The following AOPEP variants were observed in gnomAD, a reference collection of about 807,000 sequenced individuals.
The protein encoded by AOPEP is aminopeptidase O.
A neutral mutation model predicts 98.1 loss-of-function variants in AOPEP; 77 were observed. The ratio of observed to expected loss-of-function variants is 0.78; its 90% CI spans 0.65 to 0.95. The LOEUF (loss-of-function observed/expected upper bound fraction) is 0.95. Ranked by LOEUF, AOPEP falls within the 40% of genes least tolerant of loss-of-function variation. The pLI is 0.00. For missense variants in AOPEP, 1,024 were observed against 1,024.7 expected (o/e 1.00, Z 0.01); for synonymous variants, 346 against 365.3 (o/e 0.95, Z 0.60).
intron 5 of AOPEP, among the ~76,000 whole-genome samples, chr9:94,910,949 G>T (rs911899483): frequency 5.9e-5 from 9 of 152,132 alleles, no homozygotes; most frequent in African/African-American, 1.9e-4. Flanking sequence ...AGCATCCTGG[G>T]GTTTTGCCTA....
At chr9:94,998,475 G>A (rs1472430243) in intron 11 of AOPEP, among the ~76,000 whole-genome samples, 1 of 152,036 alleles carries the variant, frequency 6.6e-6, no homozygotes, top group African/African-American at 2.4e-5. Flanking sequence ...TACTTTTTTT[G>A]TCTTAAAGTC....
intron 7 of AOPEP, chr9:94,928,765 C>G (rs569276103): frequency 2.2e-6 from 1 of 460,166 alleles, no homozygotes; most frequent in East Asian, 4.4e-5. Flanking sequence ...AGGCCATTTC[C>G]GGGGGTCAGA....
chr9:95,083,751 G>A (rs920974353), intron 16 of AOPEP, among the ~76,000 whole-genome samples: 8 of 152,172 alleles, frequency 5.3e-5, no homozygotes, highest in South Asian at 2.1e-4. Flanking sequence ...CAGCACCCGC[G>A]GCGCACACAG....
At chr9:95,149,989 T>A in the AOPEP span, 102 of 1,613,702 alleles carry the variant, frequency 6.3e-5, no homozygotes, top group Non-Finnish European at 8.1e-5. Flanking sequence ...TTCACGTCCA[T>A]GACAGATGAG....
intron 7 of AOPEP, among the ~76,000 whole-genome samples, chr9:94,940,687 TATC>T (rs1408013307): frequency 2.0e-5 from 3 of 152,350 alleles, no homozygotes; most frequent in Middle Eastern, 3.4e-3. Context: ...CGTTTGATGC[TATC>T]ATCTATGTCC....
intron 7 of AOPEP, among the ~76,000 whole-genome samples, chr9:94,942,128 A>G (rs1031875659): frequency 8.5e-5 from 13 of 152,220 alleles, no homozygotes; most frequent in African/African-American, 3.1e-4. Context: ...ATTCATGTAC[A>G]TATGCCAGTC....
At chr9:94,804,110 A>G (rs1231462862) in intron 5 of AOPEP, among the ~76,000 whole-genome samples, 1 of 152,158 alleles carries the variant, frequency 6.6e-6, no homozygotes, top group Non-Finnish European at 1.5e-5. Flanking sequence ...TGGCAAGCCT[A>G]GTTTCTTAAT....
chr9:94,940,799 T>C (rs1245737950), intron 7 of AOPEP, among the ~76,000 whole-genome samples: 1 of 152,066 alleles, frequency 6.6e-6, no homozygotes, highest in African/African-American at 2.4e-5. Context: ...TCAGCCTGGC[T>C]CGTCCCCTCA....
chr9:95,102,776 G>T, the AOPEP span, among the ~76,000 whole-genome samples: 1 of 152,228 alleles, frequency 6.6e-6, no homozygotes, highest in Non-Finnish European at 1.5e-5. Context: ...ACTAAAGGGA[G>T]CCTCTTGTCG....
In AOPEP at chr9:94,955,158, T is replaced by C. The variant is rs2058367733; in HGVS notation, c.1662-19T>C. On this transcript the variant is annotated intron_variant, in intron 7 of 16. Coordinates refer to ENST00000375315, the MANE Select transcript of AOPEP (RefSeq NM_001193329.3). ...AAGAATGTGCTATACTTAAATAAAT[T>C]GTTACTAAATCGTTTTAGACCCAGT... The C allele has an allele frequency of 1.5e-5, 21 of 1,432,642 alleles. No homozygotes were observed. The highest frequency in any genetic ancestry group is 2.1e-5 in the Non-Finnish European group (21 of 1,023,594). The allele number at this position is 1,432,642 out of a possible 1,614,324, so 88.7% of individuals were successfully genotyped here. A position where few individuals can be genotyped will look rare whatever the true frequency, so the allele number is the denominator to read the frequency against.
At chr9:94,792,957 A>T (rs766426817) in intron 4 of AOPEP, 39 bp downstream of exon 4, 3 of 1,572,518 alleles carry the variant, frequency 1.9e-6, no homozygotes, top group Non-Finnish European at 2.6e-6. Context: ...AAAAAAAAAA[A>T]AACACTTGAG....
At chr9:94,774,502 T>A (rs1316309819) in intron 3 of AOPEP, among the ~76,000 whole-genome samples, 1 of 152,158 alleles carries the variant, frequency 6.6e-6, no homozygotes, top group Non-Finnish European at 1.5e-5. Flanking sequence ...TGTGATAGCA[T>A]ATGATGGTGT....
At chr9:94,931,768 C>T (rs748244969) in intron 7 of AOPEP, 3 of 1,550,376 alleles carry the variant, frequency 1.9e-6, no homozygotes, top group East Asian at 4.9e-5. Flanking sequence ...CTTTGCCACA[C>T]TGTTCAACAT....
chr9:94,796,380 G>A (rs1846937885), intron 4 of AOPEP, among the ~76,000 whole-genome samples: 1 of 152,236 alleles, frequency 6.6e-6, no homozygotes, highest in Non-Finnish European at 1.5e-5. Context: ...GTCTTTAGCT[G>A]TCAGAAAGTG....
At chr9:95,097,562 G>C in the AOPEP span, among the ~76,000 whole-genome samples, 2 of 152,350 alleles carry the variant, frequency 1.3e-5, no homozygotes, top group Admixed American at 6.5e-5. Flanking sequence ...GGCTGGGACT[G>C]CTGCTGGCCG....
At chr9:94,779,764 T>C (rs1437703943) in intron 3 of AOPEP, among the ~76,000 whole-genome samples, 1 of 152,098 alleles carries the variant, frequency 6.6e-6, no homozygotes, top group Non-Finnish European at 1.5e-5. Flanking sequence ...TGCTGACGGC[T>C]CCATGCAGTT....
In AOPEP at chr9:95,003,163, TGTGC is replaced by T. The variant is rs1224653720; in HGVS notation, c.1978-1993_1978-1990del. Reference sequence around the variant, plus strand: ...AAGAATGTGTGTGTGTGTGTGTGTGTGTGCGCGCGCGCGCGCGTGTGTGACTGCA... The same window carrying T: ...AAGAATGTGTGTGTGTGTGTGTGTGTGCGCGCGCGCGCGTGTGTGACTGCA... On this transcript the variant is annotated intron_variant, in intron 11 of 16. Coordinates refer to ENST00000375315, the MANE Select transcript of AOPEP (RefSeq NM_001193329.3). Among the ~76,000 whole-genome samples, 44 of 150,596 alleles carry T rather than the reference TGTGC, an allele frequency of 2.9e-4. No homozygotes were observed. In the South Asian group the frequency reaches 7.1e-3, roughly 24 times the overall value.
intron 5 of AOPEP, among the ~76,000 whole-genome samples, chr9:94,822,696 A>G (rs879736813): frequency 1.3e-5 from 2 of 152,160 alleles, no homozygotes; most frequent in South Asian, 2.1e-4. Flanking sequence ...ACCAGACACA[A>G]CAAGCTGGAA....
chr9:94,786,375 G>A (rs967517811), intron 3 of AOPEP, among the ~76,000 whole-genome samples: 11 of 152,358 alleles, frequency 7.2e-5, no homozygotes, highest in African/African-American at 2.6e-4. Flanking sequence ...GATTCCAGAG[G>A]TGGAACTCAA....
Sources: gnomAD v4.1 joint callset for allele counts (sites outside exome capture counted in the v4.1 genomes callset) on GRCh38, gnomAD v4.1.1 for gene constraint, MANE v1.5 for transcripts, NCBI Gene and HGNC (gene_info 2026-07-23, HGNC 2026-07-21) for gene names.